The following NLGN4X variants were observed in gnomAD, a reference collection of about 807,000 sequenced individuals.
The protein encoded by NLGN4X is neuroligin-4, X-linked.
A neutral mutation model predicts 40.3 loss-of-function variants in NLGN4X; 3 were observed. The observed-to-expected ratio is 0.07, with a 90% CI of 0.03 to 0.19. The LOEUF (loss-of-function observed/expected upper bound fraction) is 0.19. Ranked by LOEUF, NLGN4X falls within the 10% of genes least tolerant of loss-of-function variation. NLGN4X has a pLI of 1.00. For missense variants in NLGN4X, 382 were observed against 708.3 expected, an observed-to-expected ratio of 0.54 and a Z score of 5.23; for synonymous variants, 270 against 306.8, an observed-to-expected ratio of 0.88 and a Z score of 1.25.
Position 6,102,169 on chromosome X carries a change from T to C in NLGN4X, c.472+48826A>G, listed in dbSNP as rs186941410. On this transcript the variant is annotated intron_variant, in intron 2 of 5. Coordinates refer to ENST00000381095, the MANE Select transcript of NLGN4X (RefSeq NM_181332.3). ...ATTTGATTGTTTGTAACACAAAAGA[T>C]AAATGCTTGAGGAGATGGACACCCC... Among the ~76,000 whole-genome samples the C allele has an allele frequency of 1.2e-4, 13 of 111,875 alleles. No homozygotes were observed. The Admixed American group carries it at 1.2e-3, about 11-fold the overall frequency.
At chrX:6,000,085 A>C (rs1228576320) in intron 3 of NLGN4X, among the ~76,000 whole-genome samples, 1 of 112,402 alleles carries the variant, frequency 8.9e-6, no homozygotes, top group Non-Finnish European at 1.9e-5. Context: ...CAAAAGTCCT[A>C]GGCTATAAAT....
At chrX:5,900,767 G>C (rs1229231467) in intron 5 of NLGN4X, among the ~76,000 whole-genome samples, 1 of 107,536 alleles carries the variant, frequency 9.3e-6, no homozygotes, top group African/African-American at 3.4e-5. Flanking sequence ...TGTAGAGACG[G>C]ACTCTCACTA....
chrX:5,999,036 C>T (rs1052602296), intron 3 of NLGN4X, among the ~76,000 whole-genome samples: 1 of 111,755 alleles, frequency 8.9e-6, no homozygotes, highest in Non-Finnish European at 1.9e-5. Context: ...CACGCACTGT[C>T]ATCTCCCTTG....
chrX:6,037,965 C>T (rs186887632), intron 2 of NLGN4X, among the ~76,000 whole-genome samples: 1 of 111,961 alleles, frequency 8.9e-6, no homozygotes, highest in Non-Finnish European at 1.9e-5. Flanking sequence ...CCAATTCCTT[C>T]TACAAATATG....
At chrX:5,968,726 A>G (rs760911520) in intron 3 of NLGN4X, among the ~76,000 whole-genome samples, 1 of 107,527 alleles carries the variant, frequency 9.3e-6, no homozygotes, top group Admixed American at 1.0e-4. Flanking sequence ...TTGAGTCTTG[A>G]CTTAACAGAA....
Position 5,955,486 on chromosome X carries a change from GA to G in NLGN4X, c.626-46248del, listed in dbSNP as rs137979446. 1.6e-4 allele frequency among the ~76,000 whole-genome samples: 18 copies of G among 110,297 alleles called. 1 individual carries two copies. Among genetic ancestry groups the G allele is most frequent in the Non-Finnish European group, 2.7e-4 (14 of 52,748 alleles). On this transcript the variant is annotated intron_variant, in intron 3 of 5. Coordinates refer to ENST00000381095, the MANE Select transcript of NLGN4X (RefSeq NM_181332.3). ...TTATAATTTCCACTCTCACAGGGAAGAAAAAAAATTCAGGGTCAGGTTTAAT... is the reference window on the plus strand; with the variant it reads ...TTATAATTTCCACTCTCACAGGGAAGAAAAAAATTCAGGGTCAGGTTTAAT...
intron 1 of NLGN4X, among the ~76,000 whole-genome samples, chrX:6,179,148 C>CT (rs1921153146): frequency 2.6e-5 from 1 of 38,992 alleles, no homozygotes; most frequent in African/African-American, 1.4e-4. Flanking sequence ...ATCTATTGAC[C>CT]TTTTTTGGTA....
intron 3 of NLGN4X, among the ~76,000 whole-genome samples, chrX:5,964,333 T>C (rs1333080272): frequency 2.7e-5 from 3 of 111,816 alleles, no homozygotes. Context: ...GTAAATATAC[T>C]ATGTGAATAC....
At chrX:6,204,768 C>T (rs1423802592) in intron 1 of NLGN4X, among the ~76,000 whole-genome samples, 1 of 111,772 alleles carries the variant, frequency 8.9e-6, no homozygotes, top group African/African-American at 3.3e-5. Context: ...CTCTAGGACA[C>T]TCTGATGCTT....
chrX:6,181,942 A>G (rs778611510), intron 1 of NLGN4X, among the ~76,000 whole-genome samples: 15 of 111,882 alleles, frequency 1.3e-4, no homozygotes, highest in African/African-American at 4.9e-4. Flanking sequence ...TTTTGGATAC[A>G]TGATTATAGA....
At chrX:6,024,869 A>C (rs944111485) in intron 3 of NLGN4X, among the ~76,000 whole-genome samples, 10 of 111,758 alleles carry the variant, frequency 8.9e-5, no homozygotes. Context: ...AATAATCATA[A>C]AAATAGCCAA....
chrX:6,084,162 T>C (rs919737400), intron 2 of NLGN4X, among the ~76,000 whole-genome samples: 5 of 112,313 alleles, frequency 4.5e-5, no homozygotes, highest in African/African-American at 9.7e-5. Context: ...CAAATTGATA[T>C]AGGATCATCA....
intron 2 of NLGN4X, among the ~76,000 whole-genome samples, chrX:6,124,634 A>G (rs1230739312): frequency 8.9e-6 from 1 of 111,799 alleles, no homozygotes; most frequent in Non-Finnish European, 1.9e-5. Flanking sequence ...GTGAGCCGAG[A>G]TCAGGCCACT....
At chrX:5,996,342 C>T (rs1189379572) in intron 3 of NLGN4X, among the ~76,000 whole-genome samples, 1 of 112,133 alleles carries the variant, frequency 8.9e-6, no homozygotes, top group Non-Finnish European at 1.9e-5. Flanking sequence ...TCATCCTTGC[C>T]TTTGGGGCGT....
intron 3 of NLGN4X, among the ~76,000 whole-genome samples, chrX:5,926,947 T>TCTAA (rs1173136336): frequency 2.0e-5 from 2 of 99,972 alleles, no homozygotes; most frequent in East Asian, 5.8e-4. Context: ...TATCTATCTA[T>TCTAA]CTATCTATCT....
At chrX:5,962,021 T>C (rs1050949258) in intron 3 of NLGN4X, among the ~76,000 whole-genome samples, 1 of 112,104 alleles carries the variant, frequency 8.9e-6, no homozygotes, top group African/African-American at 3.2e-5. Flanking sequence ...CTTTTTCCTG[T>C]TTTGAATGAG....
chrX:6,166,775 A>C (rs2040504672), intron 1 of NLGN4X, among the ~76,000 whole-genome samples: 1 of 111,325 alleles, frequency 9.0e-6, no homozygotes, highest in East Asian at 2.8e-4. Flanking sequence ...GAGCATAAGT[A>C]CTTGAGAATA....
intron 1 of NLGN4X, among the ~76,000 whole-genome samples, chrX:6,207,022 C>A (rs1265004674): frequency 9.4e-6 from 1 of 105,821 alleles, no homozygotes; most frequent in Admixed American, 1.0e-4. Context: ...TAAAATTGCA[C>A]TAGATTCTCT....
At position 6,115,405 on chromosome X, in the gene NLGN4X, G is replaced by A. The variant is rs560303244; in HGVS notation, c.472+35590C>T. ...TGTTCAGTGGACACATTTCTCTAACGAATATTACAGGACTCCTGTATCATT... is the reference window on the plus strand; with the variant it reads ...TGTTCAGTGGACACATTTCTCTAACAAATATTACAGGACTCCTGTATCATT... On this transcript the variant is annotated intron_variant, in intron 2 of 5. Coordinates refer to ENST00000381095, the MANE Select transcript of NLGN4X (RefSeq NM_181332.3). 4.5e-5 allele frequency among the ~76,000 whole-genome samples: 5 copies of A among 111,629 alleles called. No homozygotes were observed. In the South Asian group the frequency reaches 1.9e-3, roughly 42 times the overall value.
Sources: allele counts gnomAD v4.1 joint callset (sites outside exome capture counted in the v4.1 genomes callset), GRCh38; gene constraint gnomAD v4.1.1; transcripts MANE v1.5; gene names NCBI Gene and HGNC (gene_info 2026-07-23, HGNC 2026-07-21).